The following UCK2 variants were observed in gnomAD, a reference collection of about 807,000 sequenced individuals.
The protein encoded by UCK2 is cytidine monophosphokinase 2.
UCK2 carries 6 observed loss-of-function variants against 30.8 expected under a neutral mutation model. The observed-to-expected ratio is 0.19, with a 90% CI of 0.11 to 0.38. The LOEUF (loss-of-function observed/expected upper bound fraction) is 0.38. Among genes scored for constraint, UCK2 ranks in the 10% least tolerant of loss-of-function variants. The probability of loss-of-function intolerance (pLI) is 1.00; values close to 1 mark genes in which losing one functional copy is unlikely to be tolerated. For synonymous variants in UCK2, 125 were observed against 133.6 expected (o/e 0.94, Z 0.45); for missense variants, 210 against 339.8 (o/e 0.62, Z 3.00).
intron 4 of UCK2, among the ~76,000 whole-genome samples, chr1:165,897,660 T>G (rs892687800): frequency 3.9e-5 from 6 of 152,190 alleles, no homozygotes; most frequent in Non-Finnish European, 7.3e-5. Flanking sequence ...CTCTTTTCGG[T>G]TCATGAAACA....
At chr1:165,904,681 C>T (rs576991542) in intron 5 of UCK2, among the ~76,000 whole-genome samples, 1 of 152,290 alleles carries the variant, frequency 6.6e-6, no homozygotes, top group Non-Finnish European at 1.5e-5. Flanking sequence ...GAACTTGGAC[C>T]TGATAAATGT....
rs1655144915 is a variant in UCK2, at chr1:165,869,621, C to T, written c.100-20583C>T. 2.7e-5 allele frequency among the ~76,000 whole-genome samples: 4 copies of T among 148,990 alleles called. No individual in the cohort carries two copies. The Admixed American group carries it at 2.7e-4, about 10-fold the overall frequency. ...AGTTTCTTTCTTAAAAAAAAAATTG[C>T]CATCCTAATGGGTATGAAAGAGAAT... On this transcript the variant is annotated intron_variant, in intron 1 of 6. Coordinates refer to ENST00000367879, the MANE Select transcript of UCK2 (RefSeq NM_012474.5).
At chr1:165,847,244 G>A (rs966146263) in intron 1 of UCK2, among the ~76,000 whole-genome samples, 4 of 152,064 alleles carry the variant, frequency 2.6e-5, no homozygotes, top group African/African-American at 9.7e-5. Context: ...CAATAAAATG[G>A]GTACCAAAGT....
Position 165,855,254 on chromosome 1 carries a change from T to C in UCK2, c.99+27322T>C, listed in dbSNP as rs145976799. Among the ~76,000 whole-genome samples, 111 of 152,340 alleles carry C rather than the reference T, an allele frequency of 7.3e-4. 1 individual carries two copies. The East Asian group carries it at 9.5e-3, about 13-fold the overall frequency. ...CTCTTGTGTATGTGAAGGGGAGTTA[T>C]ATAATGTATTAGGCTTTCTTAATTC... On this transcript the variant is annotated intron_variant, in intron 1 of 6. Coordinates refer to ENST00000367879, the MANE Select transcript of UCK2 (RefSeq NM_012474.5).
chr1:165,843,030 C>G (rs1366761424), intron 1 of UCK2, among the ~76,000 whole-genome samples: 1 of 152,158 alleles, frequency 6.6e-6, no homozygotes, highest in Non-Finnish European at 1.5e-5. Flanking sequence ...GCTGTCACTT[C>G]CCCTAGGAAG....
rs139407364 is a variant in UCK2, at chr1:165,883,137, A to G, written c.100-7067A>G. 4.6e-3 allele frequency among the ~76,000 whole-genome samples: 706 copies of G among 152,174 alleles called. 6 individuals carry two copies. The highest frequency in any genetic ancestry group is 6.9e-3 in the Admixed American group (105 of 15,282). ...CTCACTCTTAATGGCTCTCAGCTCTAATTATTTGAATCTTGGGCTTTTATT... is the reference window on the plus strand; with the variant it reads ...CTCACTCTTAATGGCTCTCAGCTCTGATTATTTGAATCTTGGGCTTTTATT... On this transcript the variant is annotated intron_variant, in intron 1 of 6. Coordinates refer to ENST00000367879, the MANE Select transcript of UCK2 (RefSeq NM_012474.5).
chr1:165,910,593 T>C lies in UCK2; in HGVS notation c.*2770T>C, dbSNP rs1647823707. On this transcript the variant is annotated 3_prime_UTR_variant, in exon 7 of 7. Transcript: ENST00000367879. ...AGCCTTCTACTGACCCAAGTTTCTT[T>C]TTCTCGGGCAGCCTGGGACCACTAT... 1 of 152,412 alleles carries C rather than the reference T, an allele frequency of 6.6e-6. No individual in the cohort carries two copies. Among genetic ancestry groups the C allele is most frequent in the Non-Finnish European group, 1.5e-5 (1 of 68,194 alleles). The allele number at this position is 152,412 out of a possible 1,614,324, so 9.4% of individuals were successfully genotyped here.
intron 1 of UCK2, among the ~76,000 whole-genome samples, chr1:165,863,120 G>A (rs959764472): frequency 3.3e-5 from 5 of 152,146 alleles, no homozygotes; most frequent in Admixed American, 6.6e-5. Flanking sequence ...GTCTTCTCCC[G>A]TGCCAGGTGC....
chr1:165,868,416 A>C (rs1197669627), intron 1 of UCK2, among the ~76,000 whole-genome samples: 6 of 152,234 alleles, frequency 3.9e-5, no homozygotes, highest in Admixed American at 3.9e-4. Context: ...ATGGCATACT[A>C]TTTTAATAGA....
At chr1:165,836,921 CTG>C (rs983228348) in intron 1 of UCK2, among the ~76,000 whole-genome samples, 2 of 152,122 alleles carry the variant, frequency 1.3e-5, no homozygotes, top group Non-Finnish European at 2.9e-5. Context: ...GGCCTTTTTG[CTG>C]TGTCATGGTC....
chr1:165,907,634 C>T (rs1647710879), intron 6 of UCK2, 50 bp from the exon 7 acceptor site: 3 of 1,602,554 alleles, frequency 1.9e-6, no homozygotes, highest in South Asian at 1.1e-5. Flanking sequence ...CACACTCACC[C>T]CTGCACCCAT....
rs1025487454 is a variant in UCK2, at chr1:165,911,240, C to G, written c.*3417C>G. 1.3e-5 allele frequency: 2 copies of G among 152,320 alleles called. No homozygotes were observed. The highest frequency in any genetic ancestry group is 4.8e-5 in the African/African-American group (2 of 41,440). 9.4% of individuals were successfully genotyped at this position (152,320 alleles called of 1,614,324 possible). ...GCCTGTACTTCTGTACCACCGTTGCCCTTTACACTTTGCTCAGGGCGGGGT... is the reference window on the plus strand; with the variant it reads ...GCCTGTACTTCTGTACCACCGTTGCGCTTTACACTTTGCTCAGGGCGGGGT... On this transcript the variant is annotated 3_prime_UTR_variant, in exon 7 of 7. Transcript: ENST00000367879.
At chr1:165,840,318 A>G (rs189352203) in intron 1 of UCK2, among the ~76,000 whole-genome samples, 14 of 152,386 alleles carry the variant, frequency 9.2e-5, no homozygotes, top group East Asian at 1.9e-4. Flanking sequence ...TAATGTATGT[A>G]TACATTGTGG....
At chr1:165,833,686 C>G (rs1380847960) in intron 1 of UCK2, among the ~76,000 whole-genome samples, 1 of 152,162 alleles carries the variant, frequency 6.6e-6, no homozygotes, top group African/African-American at 2.4e-5. Context: ...AATTTCACTG[C>G]TGAAGACCTG....
rs952659642 is a variant in UCK2 at position 165,911,247 on chromosome 1, A to G, written c.*3424A>G. 5 of 152,240 alleles carry G rather than the reference A, an allele frequency of 3.3e-5. No individual in the cohort carries two copies. The highest frequency in any genetic ancestry group is 1.2e-4 in the African/African-American group (5 of 41,410). 9.4% of individuals were successfully genotyped at this position (152,240 alleles called of 1,614,324 possible). A position where few individuals can be genotyped will look rare whatever the true frequency, so the allele number is the denominator to read the frequency against. ...CTTCTGTACCACCGTTGCCCTTTAC[A>G]CTTTGCTCAGGGCGGGGTGGGGGAA... On this transcript the variant is annotated 3_prime_UTR_variant, in exon 7 of 7. Transcript: ENST00000367879.
intron 1 of UCK2, among the ~76,000 whole-genome samples, chr1:165,855,745 G>A (rs933920256): frequency 1.3e-5 from 2 of 152,132 alleles, no homozygotes; most frequent in African/African-American, 4.8e-5. Flanking sequence ...AATATTCGAG[G>A]AGCACAGGTG....
chr1:165,896,755 C>T (rs1647271581), intron 4 of UCK2, among the ~76,000 whole-genome samples: 1 of 152,236 alleles, frequency 6.6e-6, no homozygotes, highest in Non-Finnish European at 1.5e-5. Flanking sequence ...GCAGCTCATC[C>T]TGTTAGCCTG....
chr1:165,848,755 C>T (rs535153710), intron 1 of UCK2, among the ~76,000 whole-genome samples: 1 of 152,206 alleles, frequency 6.6e-6, no homozygotes, highest in South Asian at 2.1e-4. Context: ...TCTGTGTCAG[C>T]TTTTGATACT....
chr1:165,836,396 T>A lies in UCK2; in HGVS notation c.99+8464T>A, dbSNP rs12566281. ...TTTTTCATTTGTATAGATCTAAGCT[T>A]TAAGGAACCCTGTTGACATAAATAA... On this transcript the variant is annotated intron_variant, in intron 1 of 6. Transcript: ENST00000367879. Among the ~76,000 whole-genome samples the A allele has an allele frequency of 9.0e-3, 1,364 of 152,316 alleles. 41 individuals are homozygous for A. The highest frequency in any genetic ancestry group is 0.067 in the East Asian group (346 of 5,188).
Sources: gnomAD v4.1 joint callset for allele counts (sites outside exome capture counted in the v4.1 genomes callset) on GRCh38, gnomAD v4.1.1 for gene constraint, MANE v1.5 for transcripts, NCBI Gene and HGNC (gene_info 2026-07-23, HGNC 2026-07-21) for gene names.